The following DMD variants were observed in gnomAD, a reference collection of about 807,000 sequenced individuals.
DMD encodes mutant dystrophin.
A neutral mutation model predicts 330.1 loss-of-function variants in DMD; 63 were observed. The ratio of observed to expected loss-of-function variants is 0.19; its 90% confidence interval spans 0.16 to 0.24. The LOEUF is 0.24. Ranked by LOEUF, DMD falls within the 10% of genes least tolerant of loss-of-function variation. The pLI is 1.00. For missense variants in DMD, 3,344 were observed against 2,684.1 expected (o/e 1.25, Z -5.43); for synonymous variants, 1,223 against 959.8 (o/e 1.27, Z -5.07).
rs182206081 is a variant in DMD at position 31,427,625 on chromosome X, G to A, written c.9084+16856C>T. On this transcript the variant is annotated intron_variant, in intron 60 of 78. Transcript: ENST00000357033. ...GCAGGTTTTATGTACTTAATTGCAAGTAGGAGGCTAATGAAAAATGTTTAG... is the reference window on the plus strand; with the variant it reads ...GCAGGTTTTATGTACTTAATTGCAAATAGGAGGCTAATGAAAAATGTTTAG... Among the ~76,000 whole-genome samples the A allele has an allele frequency of 1.1e-4, 12 of 112,221 alleles. No homozygotes were observed. In the East Asian group the frequency reaches 2.8e-3, roughly 26 times the overall value.
intron 1 of DMD, among the ~76,000 whole-genome samples, chrX:33,020,401 C>T (rs766259059): frequency 8.9e-6 from 1 of 111,962 alleles, no homozygotes; most frequent in African/African-American, 3.2e-5. Context: ...TGGCCAGGCG[C>T]GGTGGCTCAC....
chrX:32,555,335 A>G (rs1382739974), intron 16 of DMD, among the ~76,000 whole-genome samples: 1 of 111,517 alleles, frequency 9.0e-6, no homozygotes, highest in Non-Finnish European at 1.9e-5. Flanking sequence ...ATAAACCCAC[A>G]TCCAAATGGG....
chrX:32,423,860 G>C (rs1260277524), intron 29 of DMD, among the ~76,000 whole-genome samples: 1 of 110,367 alleles, frequency 9.1e-6, no homozygotes, highest in Non-Finnish European at 1.9e-5. Context: ...TTAAAAACAA[G>C]AATCAAGGTA....
intron 28 of DMD, among the ~76,000 whole-genome samples, chrX:32,440,330 A>G (rs923676090): frequency 9.0e-6 from 1 of 111,567 alleles, no homozygotes; most frequent in African/African-American, 3.2e-5. Context: ...TTCAGGTTTT[A>G]TAATTTCCTT....
intron 47 of DMD, among the ~76,000 whole-genome samples, chrX:31,896,719 A>G (rs910402980): frequency 3.6e-5 from 4 of 111,245 alleles, no homozygotes; most frequent in Non-Finnish European, 7.6e-5. Context: ...TGGTATAGGC[A>G]TTGCAAATCT....
intron 9 of DMD, among the ~76,000 whole-genome samples, chrX:32,667,730 C>T (rs2061390547): frequency 9.3e-6 from 1 of 108,011 alleles, no homozygotes; most frequent in African/African-American, 3.4e-5. Context: ...GTCGGCTACA[C>T]CTTCGCTTAA....
chrX:32,782,897 A>C (rs1405559417), intron 7 of DMD, among the ~76,000 whole-genome samples: 3 of 106,381 alleles, frequency 2.8e-5, no homozygotes, highest in Non-Finnish European at 3.9e-5. Flanking sequence ...ATACATATAC[A>C]CATATATATC....
intron 11 of DMD, among the ~76,000 whole-genome samples, chrX:32,629,228 T>C (rs1257378477): frequency 8.9e-6 from 1 of 111,885 alleles, no homozygotes; most frequent in Non-Finnish European, 1.9e-5. Context: ...ACAATTGTTA[T>C]GTCCTCTTGC....
intron 55 of DMD, among the ~76,000 whole-genome samples, chrX:31,612,525 T>C (rs2077979130): frequency 9.0e-6 from 1 of 110,914 alleles, no homozygotes; most frequent in East Asian, 2.8e-4. Context: ...GAAAAAGAAA[T>C]AGGAAATAAG....
chrX:32,802,534 G>C (rs1021338139), intron 7 of DMD, among the ~76,000 whole-genome samples: 1 of 111,733 alleles, frequency 8.9e-6, no homozygotes, highest in Non-Finnish European at 1.9e-5. Context: ...TGATGAGAGA[G>C]GGAATTTTTG....
At position 32,758,706 on chromosome X, in the gene DMD, A is replaced by G. The variant is rs192293442; in HGVS notation, c.649+50787T>C. On this transcript the variant is annotated intron_variant, in intron 7 of 78. Coordinates refer to ENST00000357033, the MANE Select transcript of DMD (RefSeq NM_004006.3). ...CCCTCACACAGGTATTCTCAAGATT[A>G]CGAGATAACAAAGTGTAAGAGCTTA... 9.7e-4 allele frequency among the ~76,000 whole-genome samples: 108 copies of G among 111,088 alleles called. No homozygotes were observed. The East Asian group carries it at 0.023, about 23-fold the overall frequency.
intron 74 of DMD, among the ~76,000 whole-genome samples, chrX:31,154,789 T>A (rs1439610160): frequency 8.9e-6 from 1 of 111,791 alleles, no homozygotes; most frequent in East Asian, 2.8e-4. Flanking sequence ...ACAGAGAATC[T>A]ATTTACGTTC....
At chrX:31,971,041 A>G (rs1236597007) in intron 44 of DMD, among the ~76,000 whole-genome samples, 1 of 111,628 alleles carries the variant, frequency 9.0e-6, no homozygotes, top group African/African-American at 3.3e-5. Flanking sequence ...TAATGCGCAT[A>G]CAAATCTCCT....
intron 55 of DMD, among the ~76,000 whole-genome samples, chrX:31,529,939 T>A (rs371525030): frequency 9.1e-6 from 1 of 109,986 alleles, no homozygotes; most frequent in Non-Finnish European, 1.9e-5. Context: ...TGCTACGACA[T>A]CTATTGTGTA....
intron 43 of DMD, among the ~76,000 whole-genome samples, chrX:32,245,604 T>TTTGTATCCTC (rs1221205471): frequency 1.4e-5 from 1 of 72,538 alleles, no homozygotes; most frequent in Non-Finnish European, 2.5e-5. Flanking sequence ...GCATGGAATG[T>TTTGTATCCTC]TCTTCCATTT....
chrX:32,565,377 G>A (rs2051572193), intron 16 of DMD, among the ~76,000 whole-genome samples: 1 of 111,513 alleles, frequency 9.0e-6, no homozygotes, highest in African/African-American at 3.3e-5. Flanking sequence ...GTTCCTCGTG[G>A]TTCTAGCAAT....
At position 32,362,799 on chromosome X, in the gene DMD, T is replaced by C. The variant is rs886039535; in HGVS notation, c.5314A>G (p.Lys1772Glu). ...GTAGATCTTCCTACCTTTCCAGTCT[T>C]AATTCTGTGTGAAATGGCTGCAAAT... is the stretch of plus-strand genomic sequence containing the variant. ...HRFAAISHRI[K>E]TGKASIPLKE... is the part of the protein sequence containing the mutation. The change falls in exon 37 of 79, where the codon AAG (lysine) becomes GAG (glutamate). Residue 1772 changes from lysine (K) to glutamate (E), a missense_variant. By Grantham distance (56) the Lys-to-Glu change is moderately conservative (BLOSUM62 1). Coordinates refer to ENST00000357033, the MANE Select transcript of DMD (RefSeq NM_004006.3). 1 of 1,209,084 alleles carries C rather than the reference T, an allele frequency of 8.3e-7. No individual in the cohort carries two copies. The highest frequency in any genetic ancestry group is 1.8e-5 in the African/African-American group (1 of 56,907).
chrX:31,349,263 G>A (rs1286243377), intron 60 of DMD, among the ~76,000 whole-genome samples: 1 of 112,131 alleles, frequency 8.9e-6, no homozygotes, highest in East Asian at 2.8e-4. Context: ...CCAACATGGT[G>A]AAAACCCGTC....
chrX:31,970,839 G>A (rs996983337), intron 44 of DMD, among the ~76,000 whole-genome samples: 1 of 111,603 alleles, frequency 9.0e-6, no homozygotes, highest in African/African-American at 3.3e-5. Flanking sequence ...CATCGTGCAA[G>A]CATCAGTGAC....
Sources: gnomAD v4.1 joint callset for allele counts (sites outside exome capture counted in the v4.1 genomes callset) on GRCh38, gnomAD v4.1.1 for gene constraint, MANE v1.5 for transcripts, NCBI Gene and HGNC (gene_info 2026-07-23, HGNC 2026-07-21) for gene names.